The following DMBT1 variants were observed in gnomAD, a reference collection of about 807,000 sequenced individuals.
DMBT1 encodes deleted in malignant brain tumors 1.
A neutral mutation model predicts 252.9 loss-of-function variants in DMBT1; 198 were observed. The observed-to-expected ratio is 0.78, with a 90% CI of 0.70 to 0.88. The LOEUF (loss-of-function observed/expected upper bound fraction) is 0.88, where lower values mean the gene tolerates loss of function less well. Among genes scored for constraint, DMBT1 ranks in the 40% least tolerant of loss-of-function variants. The pLI is 0.00. For synonymous variants in DMBT1, 990 were observed against 942.7 expected, an observed-to-expected ratio of 1.05 and a Z score of -0.92; for missense variants, 2,432 against 2,404.7, an observed-to-expected ratio of 1.01 and a Z score of -0.24.
rs1016545406 is a variant in DMBT1, at chr10:122,643,611, C to T, written c.*213C>T. On this transcript the variant is annotated 3_prime_UTR_variant, in exon 56 of 56. Coordinates refer to ENST00000338354, the MANE Select transcript of DMBT1 (RefSeq NM_001377530.1). The stretch of plus-strand genomic sequence containing the variant: ...CAGGGTGAGGTCAAGAGAGTTCTGA[C>T]CTGGATGGCCCATAGACCTGACGTC... 6.2e-6 allele frequency: 4 copies of T among 648,484 alleles called. No homozygotes were observed. Among genetic ancestry groups the T allele is most frequent in the Non-Finnish European group, 7.8e-6 (3 of 385,860 alleles). The allele number at this position is 648,484 out of a possible 1,614,324, so 40.2% of individuals were successfully genotyped here. A position where few individuals can be genotyped will look rare whatever the true frequency, so the allele number is the denominator to read the frequency against.
At position 122,576,581 on chromosome 10, in the gene DMBT1, T is replaced by C. The variant is rs116022842; in HGVS notation, c.466T>C (p.Trp156Arg). Residue 156 changes from tryptophan to arginine, a missense_variant, in exon 7 of 56, where the codon TGG (tryptophan) becomes CGG (arginine). By Grantham distance (101) the Trp-to-Arg change is moderately radical. Coordinates refer to ENST00000338354, the MANE Select transcript of DMBT1 (RefSeq NM_001377530.1). ...GWAMSAPGNA[W>R]FGQGSGPIAL... ...GGCCATGTCAGCTCCAGGAAATGCC[T>C]GGTTTGGCCAGGGCTCAGGACCCAT... The C allele has an allele frequency of 3.0e-3, 4,904 of 1,613,706 alleles. 139 individuals carry two copies. In the African/African-American group the frequency reaches 0.059, roughly 19 times the overall value.
intron 53 of DMBT1, 116 bp from the exon 54 acceptor site, chr10:122,637,012 C>T (rs1222976612): frequency 4.2e-6 from 4 of 945,264 alleles, no homozygotes; most frequent in Admixed American, 2.3e-5. Flanking sequence ...AAGTGCTGAC[C>T]CTCCCTGTCA....
intron 5 of DMBT1, among the ~76,000 whole-genome samples, chr10:122,572,632 C>A (rs571099961): frequency 1.6e-4 from 24 of 151,938 alleles, no homozygotes; most frequent in African/African-American, 5.8e-4. Flanking sequence ...AGTGGTACCA[C>A]CCCTTTTCAT....
Position 122,588,832 on chromosome 10 carries a change from A to G in DMBT1, c.1784-112A>G, listed in dbSNP as rs866569079. ...CTGGTTGCAGTCATCTTTAATCGTGACTGCCTGCCCAGGTGACTTTGGCCA... is the reference window on the plus strand; with the variant it reads ...CTGGTTGCAGTCATCTTTAATCGTGGCTGCCTGCCCAGGTGACTTTGGCCA... On this transcript the variant is annotated intron_variant, in intron 16 of 55. Transcript: ENST00000338354. 8.5e-6 allele frequency: 13 copies of G among 1,529,416 alleles called. 1 individual carries two copies. In the African/African-American group the frequency reaches 1.8e-4, roughly 21 times the overall value. The allele number at this position is 1,529,416 out of a possible 1,614,324, so 94.7% of individuals were successfully genotyped here.
intron 46 of DMBT1, among the ~76,000 whole-genome samples, chr10:122,629,428 G>C (rs566793710): frequency 6.6e-6 from 1 of 152,356 alleles, no homozygotes; most frequent in Admixed American, 6.5e-5. Flanking sequence ...TGTGCTCATG[G>C]AAGACGCTAG....
chr10:122,590,901 C>T (rs1325603697), intron 18 of DMBT1, among the ~76,000 whole-genome samples: 1 of 148,038 alleles, frequency 6.8e-6, no homozygotes, highest in Admixed American at 6.7e-5. Flanking sequence ...AGAGTGATTG[C>T]CAAAGTCTCC....
chr10:122,633,955 G>A (rs1022096808), intron 52 of DMBT1, among the ~76,000 whole-genome samples: 3 of 152,060 alleles, frequency 2.0e-5, no homozygotes, highest in African/African-American at 7.2e-5. Flanking sequence ...GCAATATAGG[G>A]AGACCCCCCA....
At chr10:122,572,394 C>T (rs2097672564) in intron 5 of DMBT1, 33 bp downstream of exon 5, 6 of 1,608,650 alleles carry the variant, frequency 3.7e-6, no homozygotes, top group Non-Finnish European at 5.1e-6. Context: ...TCTATGGGCT[C>T]ATTACCCCTC....
At position 122,579,652 on chromosome 10, in the gene DMBT1, C is replaced by T. The variant is rs972429706; in HGVS notation, c.754C>T (p.Arg252Ter). Reference protein sequence around the residue: ...RCRGRVEVLYRGSWGTVCDDY... With the variant: ...RCRGRVEVLY ...TCGAGGCCGAGTGGAGGTCCTATAC[C>T]GAGGCTCCTGGGGCACCGTGTGTGA... Residue 252 changes from arginine (R) to a stop codon, truncating the protein, a stop_gained, in exon 10 of 56, where the codon CGA becomes TGA. Coordinates refer to ENST00000338354, the MANE Select transcript of DMBT1 (RefSeq NM_001377530.1). LOFTEE classifies it high-confidence loss of function. 27 of 1,613,596 alleles carry T rather than the reference C, an allele frequency of 1.7e-5. No individual in the cohort carries two copies. Among genetic ancestry groups the T allele is most frequent in the East Asian group, 4.5e-5 (2 of 44,882 alleles).
At chr10:122,599,149 A>G in intron 26 of DMBT1, 52 bp downstream of exon 26, 1 of 1,613,126 alleles carries the variant, frequency 6.2e-7, no homozygotes, top group Non-Finnish European at 8.5e-7. Flanking sequence ...TTTGCTCCAG[A>G]AGAAACTCCT....
chr10:122,642,491 C>T (rs1844739820), intron 55 of DMBT1, among the ~76,000 whole-genome samples: 1 of 152,122 alleles, frequency 6.6e-6, no homozygotes, highest in Admixed American at 6.5e-5. Flanking sequence ...GGTTATTTTC[C>T]CTCTGACCCC....
At chr10:122,622,491 G>A (rs2098079930) in intron 44 of DMBT1, among the ~76,000 whole-genome samples, 1 of 152,164 alleles carries the variant, frequency 6.6e-6, no homozygotes. Flanking sequence ...CCCATGCTTT[G>A]CTTACATCTA....
In DMBT1 at chr10:122,640,258, C is replaced by T. The variant is rs767033922; in HGVS notation, c.7161C>T (p.Ser2387=). 1.2e-6 allele frequency: 2 copies of T among 1,614,014 alleles called. No homozygotes were observed. The change falls in exon 55 of 56, where the codon TCC becomes TCT. Residue 2387 remains serine (S), a synonymous_variant. Transcript: ENST00000338354. ...VQYGNFDVNI[S]FYTSSSFLYP... is the part of the protein sequence containing the mutation. ...ATGGCAATTTTGACGTGAACATTTC[C>T]TTTTATACTTCCTCATCTTTCTTGT...
intron 55 of DMBT1, 55 bp from the exon 56 acceptor site, chr10:122,643,067 C>G (rs1359053442): frequency 3.2e-6 from 5 of 1,585,406 alleles, no homozygotes; most frequent in Non-Finnish European, 4.3e-6. Flanking sequence ...ACAACTGAGT[C>G]ATGAAGGAAG....
At chr10:122,574,251 C>G (rs2097692107) in intron 6 of DMBT1, among the ~76,000 whole-genome samples, 1 of 152,224 alleles carries the variant, frequency 6.6e-6, no homozygotes, top group Admixed American at 6.5e-5. Flanking sequence ...TCATGGGCAT[C>G]AGAGCTCATG....
chr10:122,565,031 A>G (rs4287277), intron 1 of DMBT1, among the ~76,000 whole-genome samples: 101,715 of 151,842 alleles, frequency 0.67, 34,428 homozygotes, highest in East Asian at 0.77. Context: ...AGTGTCTCCA[A>G]TCTTAAAAAA....
chr10:122,592,508 C>T lies in DMBT1; in HGVS notation c.2413C>T (p.His805Tyr), dbSNP rs565106021. 6.0e-5 allele frequency: 96 copies of T among 1,588,224 alleles called. 17 individuals carry two copies. In the East Asian group the frequency reaches 1.8e-3, roughly 29 times the overall value. Residue 805 changes from histidine (H) to tyrosine (Y), a missense_variant, in exon 20 of 56, where the codon CAC (histidine) becomes TAC (tyrosine). His to Tyr is a moderately conservative substitution (Grantham distance 83). Around this residue, in one of 3 missense-constraint regions of DMBT1, gnomAD observed 1,264 missense variants for 1,082.2 expected, o/e 1.17. Transcript: ENST00000338354. ...IVLDDVRCSG[H>Y]ESYLWSCPHN... ...TCTGGATGATGTGCGCTGCTCAGGACACGAGTCCTACCTGTGGAGCTGCCC... is the reference window on the plus strand; with the variant it reads ...TCTGGATGATGTGCGCTGCTCAGGATACGAGTCCTACCTGTGGAGCTGCCC...
chr10:122,631,054 G>T lies in DMBT1; in HGVS notation c.6119G>T (p.Cys2040Phe). 6.2e-7 allele frequency: 1 copy of T among 1,613,982 alleles called. No homozygotes were observed. Among genetic ancestry groups the T allele is most frequent in the Non-Finnish European group, 8.5e-7 (1 of 1,179,848 alleles). Residue 2040 changes from cysteine to phenylalanine, a missense_variant, in exon 49 of 56, where the codon TGT (cysteine) becomes TTT (phenylalanine). By Grantham distance (205) the Cys-to-Phe change is radical. This residue lies in a region of DMBT1 where 1,162 missense variants were observed against 1,169.0 expected (regional missense o/e 0.99). Coordinates refer to ENST00000338354, the MANE Select transcript of DMBT1 (RefSeq NM_001377530.1). ...IYHGGTWGTV[C>F]DDSWTIQEAE... ...CATGGTGGCACCTGGGGGACAGTTT[G>T]TGATGACTCCTGGACCATTCAGGAA...
In DMBT1 at chr10:122,643,393, C is replaced by G; in HGVS notation, c.7624C>G (p.Arg2542Gly). The G allele has an allele frequency of 6.2e-7, 1 of 1,611,452 alleles. No homozygotes were observed. The highest frequency in any genetic ancestry group is 1.7e-5 in the Admixed American group (1 of 59,774). ...CCCCCCACGCCGAGAAGAGGAGCCT[C>G]GGTAGGTGGTCGCTCTCAGACCCCA... is the stretch of plus-strand genomic sequence containing the variant. ...QTPPRREEEP[R>G] is the part of the protein sequence containing the mutation. Residue 2542 changes from arginine (R) to glycine (G), a missense_variant, in exon 56 of 56, where the codon CGG becomes GGG. By Grantham distance (125) the Arg-to-Gly change is moderately radical. Coordinates refer to ENST00000338354, the MANE Select transcript of DMBT1 (RefSeq NM_001377530.1).
Sources: allele counts gnomAD v4.1 joint callset (sites outside exome capture counted in the v4.1 genomes callset), GRCh38; gene constraint gnomAD v4.1.1; regional missense constraint gnomAD v4.1.1; transcripts MANE v1.5; gene names NCBI Gene and HGNC (gene_info 2026-07-23, HGNC 2026-07-21).